The following CPNE5 variants were observed in gnomAD, a reference collection of about 807,000 sequenced individuals.
The protein encoded by CPNE5 is copine 5, also known as copine-5.
CPNE5 carries 42 observed loss-of-function variants against 81.1 expected under a neutral mutation model. The ratio of observed to expected loss-of-function variants is 0.52; its 90% CI spans 0.40 to 0.67. CPNE5 has a LOEUF of 0.67. CPNE5 is among the 30% of genes least tolerant of loss of function. The pLI, the probability that CPNE5 is intolerant of heterozygous loss-of-function variation, is 0.00. For missense variants in CPNE5, 612 were observed against 815.5 expected, an observed-to-expected ratio of 0.75 and a Z score of 3.04; for synonymous variants, 313 against 321.5, an observed-to-expected ratio of 0.97 and a Z score of 0.28.
intron 8 of CPNE5, among the ~76,000 whole-genome samples, chr6:36,782,642 A>T (rs1299449154): frequency 3.3e-5 from 5 of 152,156 alleles, no homozygotes; most frequent in African/African-American, 1.2e-4. Context: ...CGTCTCTACT[A>T]AAAATACAAA....
chr6:36,789,456 C>T (rs759045650), intron 8 of CPNE5, among the ~76,000 whole-genome samples: 15 of 152,322 alleles, frequency 9.8e-5, no homozygotes, highest in Non-Finnish European at 1.5e-4. Flanking sequence ...TGGTTATAAA[C>T]TAGGAAGAAA....
chr6:36,764,846 G>T (rs568939457), intron 11 of CPNE5, among the ~76,000 whole-genome samples: 2 of 152,156 alleles, frequency 1.3e-5, no homozygotes, highest in African/African-American at 2.4e-5. Context: ...GGCTGTACGG[G>T]TACAATTGGC....
At chr6:36,783,227 G>C (rs1321993649) in intron 8 of CPNE5, among the ~76,000 whole-genome samples, 1 of 152,094 alleles carries the variant, frequency 6.6e-6, no homozygotes, top group Non-Finnish European at 1.5e-5. Context: ...TCAGAGGGTG[G>C]AGGGTGGGAG....
chr6:36,799,926 C>T (rs754961618), intron 4 of CPNE5, 41 bp downstream of exon 4: 3 of 1,433,584 alleles, frequency 2.1e-6, no homozygotes, highest in African/African-American at 2.8e-5. Context: ...AGCAATCTTC[C>T]TCCCCACCTG....
chr6:36,754,468 G>C (rs1765202312), intron 13 of CPNE5: 1 of 152,206 alleles, frequency 6.6e-6, no homozygotes, highest in South Asian at 2.1e-4. Context: ...AAGATCCCCA[G>C]GGGATTCTGC....
chr6:36,826,928 G>A (rs1772549867), intron 1 of CPNE5, among the ~76,000 whole-genome samples: 1 of 152,176 alleles, frequency 6.6e-6, no homozygotes, highest in South Asian at 2.1e-4. Flanking sequence ...CAGGGCTGCT[G>A]TGGAGATTCG....
intron 12 of CPNE5, among the ~76,000 whole-genome samples, chr6:36,761,785 C>T (rs769726673): frequency 7.2e-5 from 11 of 152,114 alleles, no homozygotes; most frequent in South Asian, 2.1e-4. Flanking sequence ...AGTCAGGATA[C>T]GAACACAAGC....
chr6:36,798,372 C>T, intron 5 of CPNE5, 83 bp downstream of exon 5: 1 of 1,530,756 alleles, frequency 6.5e-7, no homozygotes, highest in Non-Finnish European at 9.1e-7. Flanking sequence ...ACACACATTC[C>T]ATCACAGCAA....
chr6:36,801,597 G>A (rs1582940445), intron 3 of CPNE5, among the ~76,000 whole-genome samples: 1 of 152,168 alleles, frequency 6.6e-6, no homozygotes, highest in Non-Finnish European at 1.5e-5. Context: ...TAAACCCACT[G>A]CATTTACAAT....
At position 36,746,375 on chromosome 6, in the gene CPNE5, C is replaced by A. The variant is rs1034672677; in HGVS notation, c.1200+21G>T. The stretch of plus-strand genomic sequence containing the variant: ...ACCCCCAGCCTGATCAGTCCTCTCT[C>A]CCACCAGCGGGACCACCTACCAGTG... On this transcript the variant is annotated intron_variant, in intron 16 of 20. Transcript: ENST00000244751. The surrounding 1 kb of genome is among the most constrained non-coding windows in gnomAD (Gnocchi z 4.5). 1 of 1,592,866 alleles carries A rather than the reference C, an allele frequency of 6.3e-7. No individual in the cohort carries two copies. The highest frequency in any genetic ancestry group is 8.6e-7 in the Non-Finnish European group (1 of 1,168,374).
upstream of CPNE5, chr6:36,839,509 G>T: frequency 1.5e-6 from 1 of 656,550 alleles, no homozygotes; most frequent in Non-Finnish European, 2.5e-6. This position sits in a 1 kb window ranked among gnomAD's most constrained non-coding sequence, Gnocchi z 7.3. Context: ...AGAGAGGAGC[G>T]CGAAGAGGGG....
chr6:36,743,395 G>A (rs1432752335), intron 20 of CPNE5, among the ~76,000 whole-genome samples: 3 of 152,264 alleles, frequency 2.0e-5, no homozygotes, highest in Non-Finnish European at 4.4e-5. Flanking sequence ...CCAGAACGAG[G>A]CTGACCACAG....
intron 1 of CPNE5, among the ~76,000 whole-genome samples, chr6:36,832,190 A>C (rs1371743527): frequency 6.6e-6 from 1 of 152,234 alleles, no homozygotes; most frequent in Non-Finnish European, 1.5e-5. Flanking sequence ...GGAAAATCTG[A>C]GGAGCAGGCC....
chr6:36,746,359 C>G lies in CPNE5; in HGVS notation c.1200+37G>C. ...CCCAGCTTGTCACCTCACCCCCAGC[C>G]TGATCAGTCCTCTCTCCCACCAGCG... On this transcript the variant is annotated intron_variant, in intron 16 of 20. Coordinates refer to ENST00000244751, the MANE Select transcript of CPNE5 (RefSeq NM_020939.2). This position sits in a 1 kb window ranked among gnomAD's most constrained non-coding sequence, Gnocchi z 4.5. 1 of 1,565,420 alleles carries G rather than the reference C, an allele frequency of 6.4e-7. No homozygotes were observed. Among genetic ancestry groups the G allele is most frequent in the African/African-American group, 1.4e-5 (1 of 72,714 alleles).
Position 36,768,225 on chromosome 6 carries a change from C to CTTTTTTTCTTTTTTTTTTTTTTTTTTTTT in CPNE5, c.738-2850_738-2849insAAAAAAAAAAAAAAAAAAAAAGAAAAAAA, listed in dbSNP as rs527797208. ...GGCTTTGACTACTCTATTCACAGTT[C>CTTTTTTTCTTTTTTTTTTTTTTTTTTTTT]TTTTTTTTTTTTTTTTTTTTTTTTT... is the stretch of plus-strand genomic sequence containing the variant. On this transcript the variant is annotated intron_variant, in intron 10 of 20. Transcript: ENST00000244751. Among the ~76,000 whole-genome samples the CTTTTTTTCTTTTTTTTTTTTTTTTTTTTT allele has an allele frequency of 2.1e-3, 130 of 60,514 alleles. 34 individuals carry two copies. Among genetic ancestry groups the CTTTTTTTCTTTTTTTTTTTTTTTTTTTTT allele is most frequent in the Non-Finnish European group, 3.0e-3 (97 of 32,812 alleles). 39.7% of individuals were successfully genotyped at this position (60,514 alleles called of 152,430 possible). A position where few individuals can be genotyped will look rare whatever the true frequency, so the allele number is the denominator to read the frequency against.
chr6:36,781,100 G>A (rs879429785), intron 8 of CPNE5, among the ~76,000 whole-genome samples: 6 of 152,182 alleles, frequency 3.9e-5, no homozygotes, highest in Non-Finnish European at 8.8e-5. Context: ...GCTGCATTCC[G>A]GTTACCCTGG....
intron 12 of CPNE5, among the ~76,000 whole-genome samples, chr6:36,762,656 G>T (rs916143317): frequency 6.6e-6 from 1 of 152,132 alleles, no homozygotes; most frequent in African/African-American, 2.4e-5. Flanking sequence ...TGCTCTTTAT[G>T]GGGACACTAT....
At chr6:36,781,219 G>A (rs960104234) in intron 8 of CPNE5, among the ~76,000 whole-genome samples, 2 of 152,096 alleles carry the variant, frequency 1.3e-5, no homozygotes, top group African/African-American at 2.4e-5. Context: ...TCGCCCACCA[G>A]ACAGGGAGAA....
chr6:36,773,602 C>T (rs538530345), intron 10 of CPNE5, among the ~76,000 whole-genome samples: 1 of 152,280 alleles, frequency 6.6e-6, no homozygotes, highest in Admixed American at 6.5e-5. Flanking sequence ...ATTTTAGGCA[C>T]AACAGAGCCT....
Sources: gnomAD v4.1 joint callset for allele counts (sites outside exome capture counted in the v4.1 genomes callset) on GRCh38, gnomAD v4.1.1 for gene constraint, Gnocchi (gnomAD v3.1) non-coding constraint, MANE v1.5 for transcripts, NCBI Gene and HGNC (gene_info 2026-07-23, HGNC 2026-07-21) for gene names.